The following PRKD1 variants were observed in gnomAD, a reference collection of about 807,000 sequenced individuals.
PRKD1 encodes protein kinase D1.
A neutral mutation model predicts 95.9 loss-of-function variants in PRKD1; 63 were observed. The ratio of observed to expected loss-of-function variants is 0.66; its 90% CI spans 0.54 to 0.81. PRKD1 has a LOEUF of 0.81. Among genes scored for constraint, PRKD1 ranks in the 30% least tolerant of loss-of-function variants. The pLI is 0.00. For synonymous variants in PRKD1, 425 were observed against 423.1 expected, an observed-to-expected ratio of 1.00 and a Z score of -0.05; for missense variants, 1,048 against 1,165.3, an observed-to-expected ratio of 0.90 and a Z score of 1.47.
intron 1 of PRKD1, among the ~76,000 whole-genome samples, chr14:29,883,563 T>C (rs1893592058): frequency 6.6e-6 from 1 of 152,208 alleles, no homozygotes; most frequent in African/African-American, 2.4e-5. Context: ...AAAATGCATA[T>C]TCATTCACTT....
chr14:29,623,057 T>C (rs1310330676), intron 13 of PRKD1, among the ~76,000 whole-genome samples: 1 of 152,220 alleles, frequency 6.6e-6, no homozygotes, highest in Non-Finnish European at 1.5e-5. Flanking sequence ...TGTTGCCAGT[T>C]GTTTGTAACT....
rs1555348496 is a variant in PRKD1 at position 29,826,700 on chromosome 14, C to CATAT, written c.264+100545_264+100548dup. On this transcript the variant is annotated intron_variant, in intron 1 of 17. Transcript: ENST00000331968. ...ATATATATATACACACATATATATACATATATACACATATATATATACATA... is the reference window on the plus strand; with the variant it reads ...ATATATATATACACACATATATATACATATATATATACACATATATATATACATA... Among the ~76,000 whole-genome samples, 126 of 28,732 alleles carry CATAT rather than the reference C, an allele frequency of 4.4e-3. 10 individuals are homozygous for CATAT. The highest frequency in any genetic ancestry group is 0.013 in the African/African-American group (121 of 9,110). The allele number at this position is 28,732 out of a possible 152,430, so 18.8% of individuals were successfully genotyped here.
chr14:29,821,015 T>C (rs113155757), intron 1 of PRKD1, among the ~76,000 whole-genome samples: 1 of 152,098 alleles, frequency 6.6e-6, no homozygotes, highest in Admixed American at 6.5e-5. Flanking sequence ...TGGAGAGAAA[T>C]GGGAAAAGAT....
intron 4 of PRKD1, among the ~76,000 whole-genome samples, chr14:29,653,461 T>TA (rs869244449): frequency 1.8e-4 from 28 of 152,212 alleles, no homozygotes; most frequent in African/African-American, 6.7e-4. Context: ...TTTAATTTTT[T>TA]AAAAAAAATC....
intron 16 of PRKD1, among the ~76,000 whole-genome samples, chr14:29,596,373 G>C (rs903119295): frequency 1.3e-5 from 2 of 152,146 alleles, no homozygotes; most frequent in African/African-American, 4.8e-5. Flanking sequence ...CGTAGGGCTA[G>C]TACTGAAAAA....
intron 13 of PRKD1, among the ~76,000 whole-genome samples, chr14:29,605,434 CT>C (rs1161412666): frequency 1.3e-5 from 2 of 152,162 alleles, no homozygotes; most frequent in African/African-American, 4.8e-5. Flanking sequence ...ACAAGCCACA[CT>C]CTCTCCTTTC....
chr14:29,666,054 T>C (rs1882481937), intron 3 of PRKD1, 23 bp downstream of exon 3: 1 of 1,571,314 alleles, frequency 6.4e-7, no homozygotes, highest in Non-Finnish European at 8.7e-7. Flanking sequence ...ACATTTAACT[T>C]GCATGGGAAG....
intron 1 of PRKD1, among the ~76,000 whole-genome samples, chr14:29,871,886 T>C (rs1025117829): frequency 4.6e-5 from 7 of 152,152 alleles, no homozygotes; most frequent in Admixed American, 3.3e-4. Context: ...TGGTAAACTA[T>C]TGGCCCAAGC....
At chr14:29,893,505 C>T (rs764762075) in intron 1 of PRKD1, among the ~76,000 whole-genome samples, 2 of 151,794 alleles carry the variant, frequency 1.3e-5, no homozygotes, top group East Asian at 1.9e-4. Flanking sequence ...ACTTGTTAAA[C>T]GTATGGAATC....
chr14:29,853,203 T>C (rs1892373443), intron 1 of PRKD1, among the ~76,000 whole-genome samples: 1 of 152,212 alleles, frequency 6.6e-6, no homozygotes, highest in Admixed American at 6.5e-5. Flanking sequence ...TAAATGTTCA[T>C]ACACCTAATA....
rs144389123 is a variant in PRKD1, at chr14:29,872,414, G to C, written c.264+54835C>G. On this transcript the variant is annotated intron_variant, in intron 1 of 17. Coordinates refer to ENST00000331968, the MANE Select transcript of PRKD1 (RefSeq NM_002742.3). ...GGGGTGGCTCACGCCTGTAATCCCA[G>C]CACTTTGAGAGGCCAAGGTGGGTGG... Among the ~76,000 whole-genome samples the C allele has an allele frequency of 3.7e-3, 566 of 152,116 alleles. 3 individuals carry two copies. The highest frequency in any genetic ancestry group is 0.012 in the African/African-American group (508 of 41,508).
intron 1 of PRKD1, among the ~76,000 whole-genome samples, chr14:29,815,765 T>C (rs929189846): frequency 6.6e-6 from 1 of 152,216 alleles, no homozygotes; most frequent in African/African-American, 2.4e-5. Context: ...CCCATGTTTA[T>C]TTTCCAGTAA....
chr14:29,656,628 T>G, intron 4 of PRKD1: 1 of 1,114,870 alleles, frequency 9.0e-7, no homozygotes, highest in Non-Finnish European at 1.3e-6. Flanking sequence ...TAGGCATGCT[T>G]TCAAAAAAAA....
intron 2 of PRKD1, among the ~76,000 whole-genome samples, chr14:29,704,032 T>C (rs1235188278): frequency 6.6e-6 from 1 of 152,176 alleles, no homozygotes; most frequent in African/African-American, 2.4e-5. Flanking sequence ...AATATCCTTA[T>C]GATAGGTAAT....
At chr14:29,824,250 A>T (rs1382110010) in intron 1 of PRKD1, among the ~76,000 whole-genome samples, 1 of 152,192 alleles carries the variant, frequency 6.6e-6, no homozygotes, top group Non-Finnish European at 1.5e-5. Context: ...GTCTACAAGG[A>T]TCAAACTTAG....
chr14:29,889,073 A>G (rs1022770440), intron 1 of PRKD1, among the ~76,000 whole-genome samples: 21 of 152,190 alleles, frequency 1.4e-4, no homozygotes, highest in African/African-American at 4.8e-4. Flanking sequence ...TATTAACAGC[A>G]TTGGTCCTCT....
chr14:29,732,700 T>C (rs1886498670), intron 1 of PRKD1, among the ~76,000 whole-genome samples: 1 of 152,148 alleles, frequency 6.6e-6, no homozygotes, highest in South Asian at 2.1e-4. Context: ...CTCATCTTTT[T>C]TTGGAAAGCT....
intron 2 of PRKD1, among the ~76,000 whole-genome samples, chr14:29,680,511 A>G (rs7149002): frequency 0.22 from 32,971 of 152,126 alleles, 4,003 homozygotes; most frequent in African/African-American, 0.31. Flanking sequence ...AAAGGCAAAT[A>G]TGACTCCGTT....
chr14:29,741,613 G>A (rs1255773587), intron 1 of PRKD1, among the ~76,000 whole-genome samples: 1 of 151,986 alleles, frequency 6.6e-6, no homozygotes, highest in Non-Finnish European at 1.5e-5. Flanking sequence ...GTCAGATAAG[G>A]AACGACACAG....
Sources: gnomAD v4.1 joint callset for allele counts (sites outside exome capture counted in the v4.1 genomes callset) on GRCh38, gnomAD v4.1.1 for gene constraint, MANE v1.5 for transcripts, NCBI Gene and HGNC (gene_info 2026-07-23, HGNC 2026-07-21) for gene names.